PCSK5: variants seen among roughly 807,000 people sequenced by gnomAD.
The protein encoded by PCSK5 is proprotein convertase subtilisin/kexin type 5, also known as prohormone convertase 5.
PCSK5 carries 129 observed loss-of-function variants against 233.2 expected under a neutral mutation model. The ratio of observed to expected loss-of-function variants is 0.55; its 90% CI spans 0.48 to 0.64. The LOEUF (loss-of-function observed/expected upper bound fraction) is 0.64, where lower values mean the gene tolerates loss of function less well. Ranked by LOEUF, PCSK5 falls within the 30% of genes least tolerant of loss-of-function variation. PCSK5 has a pLI of 0.00. For missense variants in PCSK5, 2,076 were observed against 2,430.1 expected, an observed-to-expected ratio of 0.85 and a Z score of 3.06; for synonymous variants, 825 against 879.2, an observed-to-expected ratio of 0.94 and a Z score of 1.09.
At chr9:76,018,181 G>A (rs1255277761) in intron 3 of PCSK5, among the ~76,000 whole-genome samples, 2 of 151,342 alleles carry the variant, frequency 1.3e-5, no homozygotes, top group Non-Finnish European at 2.9e-5. Context: ...GTGGTACCCT[G>A]GATCCACCTT....
intron 1 of PCSK5, among the ~76,000 whole-genome samples, chr9:75,908,931 CTCTCTCTCTGTCTA>C (rs1403700530): frequency 5.1e-4 from 60 of 117,760 alleles, no homozygotes; most frequent in South Asian, 1.6e-3. Flanking sequence ...ATCTCTCTAT[CTCTCTCTCTGTCTA>C]TCTATCTATC....
intron 28 of PCSK5, among the ~76,000 whole-genome samples, chr9:76,303,709 T>C (rs1002532193): frequency 6.6e-6 from 1 of 152,220 alleles, no homozygotes; most frequent in Admixed American, 6.5e-5. Flanking sequence ...TGAGTGATAC[T>C]GCAGTTTTAA....
At chr9:75,891,531 GCACACACACACACA>G (rs34768107) in intron 1 of PCSK5, among the ~76,000 whole-genome samples, 158 bp downstream of exon 1, 15 of 148,686 alleles carry the variant, frequency 1.0e-4, no homozygotes, top group African/African-American at 1.2e-4. Context: ...GCGCGCGTAC[GCACACACACACACA>G]CACACACACA....
intron 30 of PCSK5, 111 bp from the exon 31 acceptor site, chr9:76,321,311 C>G (rs1186288423): frequency 3.1e-6 from 2 of 645,880 alleles, no homozygotes; most frequent in Non-Finnish European, 5.6e-6. Context: ...TGCCTCTCAG[C>G]TGACGACAGC....
intron 1 of PCSK5, among the ~76,000 whole-genome samples, chr9:75,928,600 T>TATAC (rs1823616395): frequency 1.3e-5 from 1 of 78,172 alleles, no homozygotes. Context: ...TAAATACATA[T>TATAC]ATATATATAT....
rs543080404 is a variant in PCSK5, at chr9:76,022,352, T to G, written c.412-1386T>G. On this transcript the variant is annotated intron_variant, in intron 3 of 37. Transcript: ENST00000674117. ...TAATTATAGTAGGTACTCAATGACG[T>G]GTGTGTTAAGTGAATCCATGGCAGT... 1.8e-4 allele frequency among the ~76,000 whole-genome samples: 28 copies of G among 152,322 alleles called. No homozygotes were observed. In the South Asian group the frequency reaches 5.8e-3, roughly 32 times the overall value.
intron 1 of PCSK5, 95 bp downstream of exon 1, chr9:75,891,468 T>C: frequency 9.6e-7 from 1 of 1,040,816 alleles, no homozygotes; most frequent in South Asian, 1.5e-5. Context: ...CTTCCAGATG[T>C]GCTCTAGCAG....
intron 2 of PCSK5, among the ~76,000 whole-genome samples, chr9:75,979,176 TTATC>T (rs1463611768): frequency 6.6e-6 from 1 of 152,124 alleles, no homozygotes; most frequent in Non-Finnish European, 1.5e-5. Flanking sequence ...ATTTTATAAT[TTATC>T]TGCTGTTTAG....
intron 12 of PCSK5, among the ~76,000 whole-genome samples, chr9:76,161,246 G>A (rs1322003079): frequency 6.6e-6 from 1 of 152,156 alleles, no homozygotes; most frequent in Non-Finnish European, 1.5e-5. Context: ...GGATTCCTCA[G>A]CATAGGATCG....
chr9:75,997,666 G>A (rs1428715471), intron 3 of PCSK5, among the ~76,000 whole-genome samples: 1 of 152,168 alleles, frequency 6.6e-6, no homozygotes, highest in Non-Finnish European at 1.5e-5. Context: ...TTGAAATTGG[G>A]TTCAGAATGC....
At chr9:76,159,707 A>T (rs1822765191) in intron 12 of PCSK5, among the ~76,000 whole-genome samples, 1 of 151,950 alleles carries the variant, frequency 6.6e-6, no homozygotes, top group South Asian at 2.1e-4. Context: ...ATAAATGAAT[A>T]CGGGTGCCTG....
intron 3 of PCSK5, among the ~76,000 whole-genome samples, chr9:75,997,525 G>T (rs561967566): frequency 6.6e-6 from 1 of 152,292 alleles, no homozygotes; most frequent in South Asian, 2.1e-4. Context: ...GTGGTGGATA[G>T]TCCAAAATGC....
Position 76,337,695 on chromosome 9 carries a change from A to G in PCSK5, c.4749-535A>G, listed in dbSNP as rs373752008. On this transcript the variant is annotated intron_variant, in intron 34 of 37. Transcript: ENST00000674117. ...CACCATGTTGGCCAGGCTGGTCTCA[A>G]ACTTCTGACCTCAAGTGATCCACCC... Among the ~76,000 whole-genome samples the G allele has an allele frequency of 4.3e-4, 65 of 152,130 alleles. No homozygotes were observed. The East Asian group carries it at 0.01, about 24-fold the overall frequency.
chr9:75,944,088 G>A (rs573264575), intron 2 of PCSK5, among the ~76,000 whole-genome samples: 4 of 152,092 alleles, frequency 2.6e-5, no homozygotes, highest in Admixed American at 6.6e-5. Flanking sequence ...ACTTGAGCCA[G>A]GGAGGTTGAG....
chr9:76,337,685 G>A (rs1021132287), intron 34 of PCSK5, among the ~76,000 whole-genome samples: 1 of 152,088 alleles, frequency 6.6e-6, no homozygotes, highest in Non-Finnish European at 1.5e-5. Context: ...TGTTGGCCAG[G>A]CTGGTCTCAA....
intron 10 of PCSK5, among the ~76,000 whole-genome samples, chr9:76,151,209 T>C (rs1315058079): frequency 6.6e-6 from 1 of 152,058 alleles, no homozygotes; most frequent in African/African-American, 2.4e-5. Flanking sequence ...ACATTGAGGA[T>C]CAAAGAATCC....
At chr9:75,968,116 T>A (rs1233691566) in intron 2 of PCSK5, among the ~76,000 whole-genome samples, 5 of 152,182 alleles carry the variant, frequency 3.3e-5, no homozygotes, top group Admixed American at 3.3e-4. Context: ...TCTTCACTGA[T>A]CCAGGGAGTC....
intron 10 of PCSK5, among the ~76,000 whole-genome samples, chr9:76,137,172 C>G (rs1199506571): frequency 6.6e-6 from 1 of 152,084 alleles, no homozygotes. Context: ...TGGACAGATT[C>G]TCATTCAGGC....
chr9:76,317,778 C>T (rs973438060), intron 30 of PCSK5, among the ~76,000 whole-genome samples: 1 of 152,156 alleles, frequency 6.6e-6, no homozygotes. Flanking sequence ...TGCCCTTCTA[C>T]GCGTTTGTCA....
Sources: gnomAD v4.1 joint callset for allele counts (sites outside exome capture counted in the v4.1 genomes callset) on GRCh38, gnomAD v4.1.1 for gene constraint, MANE v1.5 for transcripts, NCBI Gene and HGNC (gene_info 2026-07-23, HGNC 2026-07-21) for gene names.